The following SCN7A variants were observed in gnomAD, a reference collection of about 807,000 sequenced individuals.
SCN7A encodes the protein sodium voltage-gated channel alpha subunit 7, also known as sodium channel protein type 7 subunit alpha.
Under a neutral mutation model 155.2 loss-of-function variants are expected in SCN7A, and 138 were observed. The ratio of observed to expected loss-of-function variants is 0.89; its 90% CI spans 0.77 to 1.02. The LOEUF is 1.02. Among genes scored for constraint, SCN7A ranks in the 50% least tolerant of loss-of-function variants. SCN7A has a pLI of 0.00. For synonymous variants in SCN7A, 693 were observed against 649.0 expected (o/e 1.07, Z -1.03); for missense variants, 2,058 against 1,986.6 (o/e 1.04, Z -0.68).
At chr2:166,418,284 CTTTTTTTTTTTTTTTTT>C (rs71031244) in intron 20 of SCN7A, among the ~76,000 whole-genome samples, 1 of 60,668 alleles carries the variant, frequency 1.6e-5, no homozygotes. Flanking sequence ...CCCCGCCAGG[CTTTTTTTTTTTTTTTTT>C]TTTTTTTTTT....
rs1241578956 is a variant in SCN7A, at chr2:166,414,223, A to AT, written c.3415-1103_3415-1102insA. On this transcript the variant is annotated intron_variant, in intron 21 of 25. Coordinates refer to ENST00000643258, the MANE Select transcript of SCN7A (RefSeq NM_002976.4). ...TATTATATATATGTAAATATATATA[A>AT]ATATATATATCTATATATGTAAATA... 3.3e-3 allele frequency among the ~76,000 whole-genome samples: 298 copies of AT among 90,426 alleles called. 3 individuals are homozygous for AT. Among genetic ancestry groups the AT allele is most frequent in the African/African-American group, 9.3e-3 (187 of 20,092 alleles). 59.3% of individuals were successfully genotyped at this position (90,426 alleles called of 152,430 possible). A position where few individuals can be genotyped will look rare whatever the true frequency, so the allele number is the denominator to read the frequency against.
intron 1 of SCN7A, among the ~76,000 whole-genome samples, chr2:166,488,705 T>G (rs1424472020): frequency 6.6e-6 from 1 of 151,798 alleles, no homozygotes; most frequent in Non-Finnish European, 1.5e-5. Flanking sequence ...CGGTGTAACC[T>G]TGGCTCACTG....
In SCN7A at chr2:166,412,617, A is replaced by C. The variant is rs1701226125; in HGVS notation, c.3519T>G (p.Phe1173Leu). 6.6e-7 allele frequency: 1 copy of C among 1,524,640 alleles called. No homozygotes were observed. Among genetic ancestry groups the C allele is most frequent in the Non-Finnish European group, 8.8e-7 (1 of 1,137,834 alleles). The allele number at this position is 1,524,640 out of a possible 1,614,324, so 94.4% of individuals were successfully genotyped here. ...ATACTCCAAATATAATAAAGTTGATAAAGTAACAATACATGTAGATGTTGA... is the reference window on the plus strand; with the variant it reads ...ATACTCCAAATATAATAAAGTTGATCAAGTAACAATACATGTAGATGTTGA... The part of the protein sequence containing the change: ...FEVNIYMYCY[F>L]INFIIFGVFL... The change falls in exon 23 of 26, where the codon TTT (phenylalanine) becomes TTG (leucine). Residue 1173 changes from phenylalanine (F) to leucine (L), a missense_variant. Phe to Leu is a conservative substitution (Grantham distance 22, BLOSUM62 0). Coordinates refer to ENST00000643258, the MANE Select transcript of SCN7A (RefSeq NM_002976.4).
intron 20 of SCN7A, among the ~76,000 whole-genome samples, chr2:166,419,245 T>G (rs1209502319): frequency 6.6e-6 from 1 of 151,456 alleles, no homozygotes; most frequent in Non-Finnish European, 1.5e-5. Context: ...CTTAGGGGGG[T>G]GTGTGTGTGT....
chr2:166,406,053 C>G lies in SCN7A; in HGVS notation c.4576G>C (p.Asp1526His). The G allele has an allele frequency of 6.2e-7, 1 of 1,612,854 alleles. No homozygotes were observed. The highest frequency in any genetic ancestry group is 8.5e-7 in the Non-Finnish European group (1 of 1,179,320). ...RKFFQVWKRF[D>H]PDRTQYIDSS... ...TCTATGTACTGGGTCCTATCAGGATCAAACCTTTTCCATACCTGAAAGAAT... is the reference window on the plus strand; with the variant it reads ...TCTATGTACTGGGTCCTATCAGGATGAAACCTTTTCCATACCTGAAAGAAT... Residue 1526 changes from aspartate (D) to histidine (H), a missense_variant, in exon 26 of 26, where the codon GAT becomes CAT. By Grantham distance (81) the Asp-to-His change is moderately conservative (BLOSUM62 -1). Transcript: ENST00000643258.
chr2:166,422,428 G>A (rs1278637116), intron 19 of SCN7A, among the ~76,000 whole-genome samples: 1 of 152,094 alleles, frequency 6.6e-6, no homozygotes, highest in Non-Finnish European at 1.5e-5. Context: ...GAGAAAGGGA[G>A]TATTGGAGTG....
Position 166,406,628 on chromosome 2 carries a change from G to A in SCN7A, c.4001C>T (p.Thr1334Ile). 1 of 1,605,726 alleles carries A rather than the reference G, an allele frequency of 6.2e-7. No individual in the cohort carries two copies. Among genetic ancestry groups the A allele is most frequent in the Non-Finnish European group, 8.5e-7 (1 of 1,175,510 alleles). The change falls in exon 26 of 26, where the codon ACA becomes ATA. Residue 1334 changes from threonine (T) to isoleucine (I), a missense_variant. Physicochemically the swap from Thr to Ile is moderately conservative, Grantham distance 89. Coordinates refer to ENST00000643258, the MANE Select transcript of SCN7A (RefSeq NM_002976.4). ...AGGAGGCACAAGGTAGGATCCTACT[G>A]TCATAGGCAGACATAGTCCTGGGGG... Reference protein sequence around the residue: ...FSITGLCLPMTVGSYLVPPSL... With the variant: ...FSITGLCLPMIVGSYLVPPSL...
intron 15 of SCN7A, among the ~76,000 whole-genome samples, chr2:166,434,228 T>C (rs1701792258): frequency 1.3e-5 from 2 of 151,990 alleles, no homozygotes; most frequent in African/African-American, 4.8e-5. Context: ...CTTCTCTCTA[T>C]CTAGATCTTC....
At chr2:166,489,923 A>G (rs1683047109) in intron 1 of SCN7A, among the ~76,000 whole-genome samples, 1 of 152,112 alleles carries the variant, frequency 6.6e-6, no homozygotes, top group Admixed American at 6.6e-5. Context: ...ATGCACTGCC[A>G]TTTTAAAAAA....
intron 1 of SCN7A, among the ~76,000 whole-genome samples, chr2:166,493,081 G>T (rs1004316788): frequency 1.3e-5 from 2 of 152,188 alleles, no homozygotes; most frequent in Non-Finnish European, 1.5e-5. Context: ...GCTAGTCATA[G>T]CAGGTATGGT....
rs1487714828 is a variant in SCN7A at position 166,404,380 on chromosome 2, A to G, written c.*1200T>C. Reference sequence around the variant, plus strand: ...TTGAATATAAAACATTTTATAGAGTATGGATGTATATGATGAGATTAAAAA... The same window carrying G: ...TTGAATATAAAACATTTTATAGAGTGTGGATGTATATGATGAGATTAAAAA... On this transcript the variant is annotated 3_prime_UTR_variant, in exon 26 of 26. Coordinates refer to ENST00000643258, the MANE Select transcript of SCN7A (RefSeq NM_002976.4). 1 of 151,960 alleles carries G rather than the reference A, an allele frequency of 6.6e-6. No individual in the cohort carries two copies. The highest frequency in any genetic ancestry group is 1.5e-5 in the Non-Finnish European group (1 of 67,930). 9.4% of individuals were successfully genotyped at this position (151,960 alleles called of 1,614,324 possible).
Position 166,423,435 on chromosome 2 carries a change from G to A in SCN7A, c.2854-3C>T, listed in dbSNP as rs1701555806. The A allele has an allele frequency of 1.3e-6, 2 of 1,526,192 alleles. No homozygotes were observed. Among genetic ancestry groups the A allele is most frequent in the African/African-American group, 1.4e-5 (1 of 70,360 alleles). The allele number at this position is 1,526,192 out of a possible 1,614,324, so 94.5% of individuals were successfully genotyped here. On this transcript the variant is annotated splice_region_variant and splice_polypyrimidine_tract_variant and intron_variant, in intron 18 of 25. Transcript: ENST00000643258. ...TCCATATATATATCTTCAAAAGCCT[G>A]TGGGTAAAAATAAAAAAATAAGGAT...
At chr2:166,475,986 A>G (rs1010334022) in intron 3 of SCN7A, among the ~76,000 whole-genome samples, 1 of 151,952 alleles carries the variant, frequency 6.6e-6, no homozygotes, top group Non-Finnish European at 1.5e-5. Flanking sequence ...TACATGCAGC[A>G]GGGTACTCAG....
At chr2:166,459,609 T>A (rs1341473444) in intron 10 of SCN7A, among the ~76,000 whole-genome samples, 1 of 152,170 alleles carries the variant, frequency 6.6e-6, no homozygotes. Flanking sequence ...CATAATTAGT[T>A]CAGTTTAAGG....
chr2:166,441,723 C>T lies in SCN7A; in HGVS notation c.1830G>A (p.Trp610Ter), dbSNP rs200768943. The change falls in exon 15 of 26, where the codon TGG becomes TGA. Residue 610 changes from tryptophan (W) to a stop codon, truncating the protein, a stop_gained. Transcript: ENST00000643258. LOFTEE classifies it high-confidence loss of function. The stretch of plus-strand genomic sequence containing the variant: ...ACCACATCAAAATCTGGAATGTTGG[C>T]CAATACTTTCCCAACTTGAAAATTC... ...MLRIFKLGKY[W>*]PTFQILMWSL... 8.7e-5 allele frequency: 140 copies of T among 1,603,700 alleles called. No homozygotes were observed. Among genetic ancestry groups the T allele is most frequent in the Middle Eastern group, 1.7e-4 (1 of 6,004 alleles).
intron 7 of SCN7A, among the ~76,000 whole-genome samples, chr2:166,468,559 TTC>T (rs1425493914): frequency 1.3e-5 from 2 of 152,070 alleles, no homozygotes; most frequent in African/African-American, 4.8e-5. Flanking sequence ...AATATTTGCA[TTC>T]TGTTTTGCAA....
intron 13 of SCN7A, 41 bp from the exon 14 acceptor site, chr2:166,443,717 AT>A (rs1559107043): frequency 7.2e-7 from 1 of 1,395,518 alleles, no homozygotes; most frequent in Non-Finnish European, 9.7e-7. Flanking sequence ...TATGATTCCA[AT>A]AGCTGTATCA....
rs756096414 is a variant in SCN7A, at chr2:166,441,367, T to C, written c.2157+29A>G. On this transcript the variant is annotated intron_variant, in intron 15 of 25. Coordinates refer to ENST00000643258, the MANE Select transcript of SCN7A (RefSeq NM_002976.4). ...CCAAACTACCTTATACCAGTTTTCA[T>C]GGAAAATGTAAAAGAATTGACTACT... 5 of 1,481,226 alleles carry C rather than the reference T, an allele frequency of 3.4e-6. No homozygotes were observed. In the African/African-American group the frequency reaches 4.2e-5, roughly 12 times the overall value. The allele number at this position is 1,481,226 out of a possible 1,614,324, so 91.8% of individuals were successfully genotyped here.
chr2:166,477,438 C>A lies in SCN7A; in HGVS notation c.234+25G>T. On this transcript the variant is annotated intron_variant, in intron 3 of 25. Coordinates refer to ENST00000643258, the MANE Select transcript of SCN7A (RefSeq NM_002976.4). ...GGAAATAAAATAATAAAAATGTCAT[C>A]AAAATAATCTCAATTAATACTCACA... The A allele has an allele frequency of 2.3e-6, 3 of 1,295,546 alleles. No individual in the cohort carries two copies. The South Asian group carries it at 4.8e-5, about 21-fold the overall frequency. The allele number at this position is 1,295,546 out of a possible 1,614,324, so 80.3% of individuals were successfully genotyped here.
Sources: allele counts gnomAD v4.1 joint callset (sites outside exome capture counted in the v4.1 genomes callset), GRCh38; gene constraint gnomAD v4.1.1; transcripts MANE v1.5; gene names NCBI Gene and HGNC (gene_info 2026-07-23, HGNC 2026-07-21).